LUZP2: variants seen among roughly 807,000 people sequenced by gnomAD.
LUZP2 encodes leucine zipper protein 2.
A neutral mutation model predicts 51.6 loss-of-function variants in LUZP2; 52 were observed. That is an observed-to-expected ratio of 1.01 (90% confidence interval 0.81 to 1.27). The LOEUF is 1.27. LUZP2 is among the 50% of genes most tolerant of loss of function. The probability of loss-of-function intolerance (pLI) is 0.00; values close to 1 mark genes in which losing one functional copy is unlikely to be tolerated. For missense variants in LUZP2, 436 were observed against 395.4 expected (o/e 1.10, Z -0.87); for synonymous variants, 154 against 137.3 (o/e 1.12, Z -0.85).
intron 5 of LUZP2, among the ~76,000 whole-genome samples, chr11:24,883,981 T>C (rs1462164922): frequency 6.6e-6 from 1 of 152,000 alleles, no homozygotes; most frequent in East Asian, 1.9e-4. Flanking sequence ...AGTGGCTTTA[T>C]TGATGCTGGA....
At chr11:24,519,547 C>G (rs763549584) in intron 1 of LUZP2, among the ~76,000 whole-genome samples, 4 of 152,140 alleles carry the variant, frequency 2.6e-5, no homozygotes, top group Non-Finnish European at 5.9e-5. Context: ...AAGAGCAGAC[C>G]TACTATGTCT....
At chr11:25,027,059 T>C (rs2133983840) in intron 9 of LUZP2, among the ~76,000 whole-genome samples, 1 of 152,152 alleles carries the variant, frequency 6.6e-6, no homozygotes, top group African/African-American at 2.4e-5. Flanking sequence ...TAATATCAAA[T>C]GGGTTCCTGA....
chr11:24,547,230 C>G (rs760418942), intron 1 of LUZP2, among the ~76,000 whole-genome samples: 1 of 151,232 alleles, frequency 6.6e-6, no homozygotes, highest in Non-Finnish European at 1.5e-5. Flanking sequence ...CTAAAATTCA[C>G]GTGGAACTAA....
chr11:24,886,158 CAT>C (rs775211500), intron 5 of LUZP2, among the ~76,000 whole-genome samples: 2 of 152,046 alleles, frequency 1.3e-5, no homozygotes, highest in South Asian at 2.1e-4. Context: ...ATATTAAAAA[CAT>C]AATTTATTTA....
At chr11:24,766,029 G>T (rs190897958) in intron 5 of LUZP2, among the ~76,000 whole-genome samples, 6 of 152,180 alleles carry the variant, frequency 3.9e-5, no homozygotes, top group African/African-American at 1.4e-4. Flanking sequence ...CTAAAATGCT[G>T]GGATTACAGG....
intron 1 of LUZP2, among the ~76,000 whole-genome samples, chr11:24,679,718 A>G (rs980814259): frequency 1.3e-5 from 2 of 152,186 alleles, no homozygotes; most frequent in African/African-American, 4.8e-5. Flanking sequence ...TTGTAAGAAA[A>G]GTGCGAAATA....
In LUZP2 at chr11:24,628,308, C is replaced by T. The variant is rs150803219; in HGVS notation, c.63-100861C>T. On this transcript the variant is annotated intron_variant, in intron 1 of 11. Coordinates refer to ENST00000336930, the MANE Select transcript of LUZP2 (RefSeq NM_001009909.4). Reference sequence around the variant, plus strand: ...AACATGCTGGTCTTTGATCATTATGCTGTTTTGCTTTGTTCAAAACATTGC... The same window carrying T: ...AACATGCTGGTCTTTGATCATTATGTTGTTTTGCTTTGTTCAAAACATTGC... Among the ~76,000 whole-genome samples, 9 of 152,152 alleles carry T rather than the reference C, an allele frequency of 5.9e-5. No homozygotes were observed. The East Asian group carries it at 1.2e-3, about 20-fold the overall frequency.
At chr11:24,893,065 A>G (rs561213228) in intron 5 of LUZP2, 1 of 152,310 alleles carries the variant, frequency 6.6e-6, no homozygotes, top group East Asian at 1.9e-4. Flanking sequence ...AAATATTTTT[A>G]AAGATACATG....
intron 1 of LUZP2, among the ~76,000 whole-genome samples, chr11:24,510,067 A>G (rs1161196782): frequency 6.6e-6 from 1 of 152,222 alleles, no homozygotes; most frequent in Non-Finnish European, 1.5e-5. Flanking sequence ...CTCATTTTAT[A>G]GATGGAGAGA....
chr11:24,531,039 T>TTTTTTATTATTA (rs547008686), intron 1 of LUZP2, among the ~76,000 whole-genome samples: 2 of 144,838 alleles, frequency 1.4e-5, no homozygotes, highest in African/African-American at 5.2e-5. Flanking sequence ...TTTAGCCTCT[T>TTTTTTATTATTA]TTATTATTAT....
At chr11:24,772,894 A>T (rs1227496735) in intron 5 of LUZP2, among the ~76,000 whole-genome samples, 3 of 152,088 alleles carry the variant, frequency 2.0e-5, no homozygotes, top group African/African-American at 4.8e-5. Context: ...TCTTATAACG[A>T]CATCATTTAT....
In LUZP2 at chr11:24,729,151, C is replaced by T; in HGVS notation, c.63-18C>T. The T allele has an allele frequency of 1.6e-5, 22 of 1,398,916 alleles. No individual in the cohort carries two copies. The highest frequency in any genetic ancestry group is 2.1e-5 in the Non-Finnish European group (22 of 1,032,956). 86.7% of individuals were successfully genotyped at this position (1,398,916 alleles called of 1,614,324 possible). A position where few individuals can be genotyped will look rare whatever the true frequency, so the allele number is the denominator to read the frequency against. Reference sequence around the variant, plus strand: ...GGAACCATTTGGGGGGCTCTCATGCCTGTTCTTTCTGTGTTAGACAGGACT... The same window carrying T: ...GGAACCATTTGGGGGGCTCTCATGCTTGTTCTTTCTGTGTTAGACAGGACT... On this transcript the variant is annotated intron_variant, in intron 1 of 11. Coordinates refer to ENST00000336930, the MANE Select transcript of LUZP2 (RefSeq NM_001009909.4).
rs375538575 is a variant in LUZP2, at chr11:25,079,605, G to T, written c.*947G>T. ...TCAATGGCAGTGTTAATCCATAAGA[G>T]TTCTGATTTTCTATAGGAATATCAC... On this transcript the variant is annotated 3_prime_UTR_variant, in exon 12 of 12. Transcript: ENST00000336930. 21 of 152,232 alleles carry T rather than the reference G, an allele frequency of 1.4e-4. No homozygotes were observed. Among genetic ancestry groups the T allele is most frequent in the African/African-American group, 5.1e-4 (21 of 41,556 alleles). The allele number at this position is 152,232 out of a possible 1,614,324, so 9.4% of individuals were successfully genotyped here.
At chr11:24,714,654 G>A (rs1181586520) in intron 1 of LUZP2, among the ~76,000 whole-genome samples, 1 of 152,114 alleles carries the variant, frequency 6.6e-6, no homozygotes, top group Non-Finnish European at 1.5e-5. Context: ...TATATGCATG[G>A]AGTTTATCTA....
intron 7 of LUZP2, among the ~76,000 whole-genome samples, chr11:24,965,559 T>C (rs1434943401): frequency 6.6e-6 from 1 of 151,782 alleles, no homozygotes; most frequent in Non-Finnish European, 1.5e-5. Flanking sequence ...GATTATAAAC[T>C]TTGAAAGCAA....
intron 9 of LUZP2, among the ~76,000 whole-genome samples, chr11:25,003,551 T>C (rs1464904388): frequency 6.6e-6 from 1 of 152,208 alleles, no homozygotes; most frequent in African/African-American, 2.4e-5. Context: ...TTTGTACTCC[T>C]AGAATTGGGG....
chr11:24,686,664 A>G (rs1217189667), intron 1 of LUZP2, among the ~76,000 whole-genome samples: 2 of 152,128 alleles, frequency 1.3e-5, no homozygotes, highest in Non-Finnish European at 2.9e-5. Context: ...AATTCTTAGG[A>G]GTTTGTTTTC....
chr11:25,018,169 T>G (rs12294585), intron 9 of LUZP2, among the ~76,000 whole-genome samples: 17,136 of 151,722 alleles, frequency 0.11, 2,230 homozygotes, highest in African/African-American at 0.31. Context: ...TACTTGAGAC[T>G]TCTCTGAATT....
intron 5 of LUZP2, among the ~76,000 whole-genome samples, chr11:24,774,488 A>G (rs1393752133): frequency 2.4e-5 from 3 of 126,652 alleles, no homozygotes; most frequent in African/African-American, 6.0e-5. Flanking sequence ...GAATATATAT[A>G]TAAAGAATAT....
Sources: allele counts gnomAD v4.1 joint callset (sites outside exome capture counted in the v4.1 genomes callset), GRCh38; gene constraint gnomAD v4.1.1; transcripts MANE v1.5; gene names NCBI Gene and HGNC (gene_info 2026-07-23, HGNC 2026-07-21).